The following KIAA1328 variants were observed in gnomAD, a reference collection of about 807,000 sequenced individuals.
KIAA1328 encodes the protein protein hinderin.
KIAA1328 carries 52 observed loss-of-function variants against 68.1 expected under a neutral mutation model. The observed-to-expected ratio is 0.76, with a 90% CI of 0.61 to 0.96. The LOEUF is 0.96. Among genes scored for constraint, KIAA1328 ranks in the 40% least tolerant of loss-of-function variants. The probability of loss-of-function intolerance (pLI) is 0.00; values close to 1 mark genes in which losing one functional copy is unlikely to be tolerated. For synonymous variants in KIAA1328, 232 were observed against 239.4 expected (o/e 0.97, Z 0.28); for missense variants, 641 against 677.6 (o/e 0.95, Z 0.60).
chr18:36,978,916 A>C (rs1163991562), intron 6 of KIAA1328, among the ~76,000 whole-genome samples: 2 of 152,172 alleles, frequency 1.3e-5, no homozygotes, highest in Non-Finnish European at 2.9e-5. Context: ...TAATCTCAGC[A>C]CTTTGGAAGG....
chr18:36,939,965 T>C (rs1429371169), intron 5 of KIAA1328, among the ~76,000 whole-genome samples: 2 of 152,140 alleles, frequency 1.3e-5, no homozygotes, highest in Non-Finnish European at 2.9e-5. Context: ...ACATATTTAG[T>C]CAATTTTATC....
intron 7 of KIAA1328, among the ~76,000 whole-genome samples, chr18:37,137,970 G>C (rs550920579): frequency 6.6e-6 from 1 of 151,646 alleles, no homozygotes; most frequent in African/African-American, 2.4e-5. Context: ...TCTCTACCCC[G>C]CCCCTGACCT....
intron 6 of KIAA1328, among the ~76,000 whole-genome samples, chr18:37,031,310 CT>C (rs1264679822): frequency 6.6e-6 from 1 of 151,730 alleles, no homozygotes; most frequent in African/African-American, 2.4e-5. Flanking sequence ...GTTTTTTTTC[CT>C]TTCCGTCTTT....
At chr18:37,016,831 T>C (rs1401522950) in intron 6 of KIAA1328, among the ~76,000 whole-genome samples, 1 of 152,022 alleles carries the variant, frequency 6.6e-6, no homozygotes, top group Non-Finnish European at 1.5e-5. Flanking sequence ...GTTGGTTCTG[T>C]TTGTACTTAC....
At chr18:37,205,921 C>T (rs1446539188) in intron 9 of KIAA1328, among the ~76,000 whole-genome samples, 1 of 152,146 alleles carries the variant, frequency 6.6e-6, no homozygotes, top group Non-Finnish European at 1.5e-5. Context: ...ATATATGTTA[C>T]CAATTTCAGT....
intron 5 of KIAA1328, among the ~76,000 whole-genome samples, chr18:36,952,018 A>G (rs1319028514): frequency 1.3e-5 from 2 of 152,194 alleles, no homozygotes; most frequent in Non-Finnish European, 2.9e-5. Flanking sequence ...AACTTAGGGT[A>G]ACATTTGAGA....
intron 6 of KIAA1328, among the ~76,000 whole-genome samples, chr18:37,031,942 G>C (rs1387654207): frequency 6.6e-6 from 1 of 152,084 alleles, no homozygotes; most frequent in East Asian, 1.9e-4. Flanking sequence ...TGAGGCGGGT[G>C]GATCGCTTGA....
chr18:37,062,831 C>G (rs1323143731), intron 6 of KIAA1328, among the ~76,000 whole-genome samples: 4 of 152,108 alleles, frequency 2.6e-5, no homozygotes, highest in Non-Finnish European at 5.9e-5. Flanking sequence ...TGAGCAACCT[C>G]AAATTGCTTA....
At position 36,964,617 on chromosome 18, in the gene KIAA1328, CT is replaced by C. The variant is rs763776763; in HGVS notation, c.576+5183del. 1.5e-3 allele frequency among the ~76,000 whole-genome samples: 229 copies of C among 152,156 alleles called. 3 individuals carry two copies. The highest frequency in any genetic ancestry group is 3.4e-3 in the Middle Eastern group (1 of 294). ...TTCTTGTTTTCTCCCTATCCTCTTT[CT>C]CTCCTTTTCTTAAAGATAAATACAT... is the stretch of plus-strand genomic sequence containing the variant. On this transcript the variant is annotated intron_variant, in intron 6 of 9. Transcript: ENST00000280020.
intron 5 of KIAA1328, among the ~76,000 whole-genome samples, chr18:36,916,252 T>C (rs1053547196): frequency 1.2e-4 from 18 of 152,146 alleles, no homozygotes; most frequent in Admixed American, 3.9e-4. Context: ...ATTCATTGAA[T>C]CTGTTTATTT....
chr18:36,893,620 T>C (rs17652450), intron 5 of KIAA1328, among the ~76,000 whole-genome samples: 20,632 of 151,942 alleles, frequency 0.14, 1,728 homozygotes, highest in Admixed American at 0.18. Context: ...CCACACCCAA[T>C]AGAACTTTTC....
chr18:36,845,138 A>T (rs1028368422), intron 4 of KIAA1328, among the ~76,000 whole-genome samples: 2 of 151,724 alleles, frequency 1.3e-5, no homozygotes, highest in African/African-American at 4.8e-5. Context: ...AGATGACTAT[A>T]AAAAAGTGAT....
In KIAA1328 at chr18:36,971,105, A is replaced by G. The variant is rs571855628; in HGVS notation, c.576+11670A>G. Among the ~76,000 whole-genome samples, 14 of 152,322 alleles carry G rather than the reference A, an allele frequency of 9.2e-5. No individual in the cohort carries two copies. The South Asian group carries it at 2.3e-3, about 25-fold the overall frequency. Reference sequence around the variant, plus strand: ...ATGGTACTGGTACCAAAGCAGATATATAGACCAATGGAACAGAACAGAGGC... The same window carrying G: ...ATGGTACTGGTACCAAAGCAGATATGTAGACCAATGGAACAGAACAGAGGC... On this transcript the variant is annotated intron_variant, in intron 6 of 9. Coordinates refer to ENST00000280020, the MANE Select transcript of KIAA1328 (RefSeq NM_020776.3).
downstream of KIAA1328, among the ~76,000 whole-genome samples, chr18:37,228,350 T>C (rs2060649837): frequency 6.6e-6 from 1 of 152,226 alleles, no homozygotes; most frequent in African/African-American, 2.4e-5. Context: ...GGTAAAATGC[T>C]ATCCAATAGC....
rs75510862 is a variant in KIAA1328, at chr18:36,906,840, A to G, written c.448+21168A>G. Among the ~76,000 whole-genome samples, 21 of 152,244 alleles carry G rather than the reference A, an allele frequency of 1.4e-4. No individual in the cohort carries two copies. The East Asian group carries it at 4.1e-3, about 29-fold the overall frequency. On this transcript the variant is annotated intron_variant, in intron 5 of 9. Coordinates refer to ENST00000280020, the MANE Select transcript of KIAA1328 (RefSeq NM_020776.3). ...AGCATGATAGCAGAAGTGTGTGGTA[A>G]CACTGTGTTTAGCTTTGTAAGATGC...
rs113544760 is a variant in KIAA1328 at position 37,098,963 on chromosome 18, C to T, written c.1232+31418C>T. ...TATTGCATCTATTTGATTCTTCTCT[C>T]TTTTCTTCTTTATTAGTCTTGCTTG... On this transcript the variant is annotated intron_variant, in intron 7 of 9. Transcript: ENST00000280020. Among the ~76,000 whole-genome samples the T allele has an allele frequency of 9.5e-3, 1,443 of 152,140 alleles. 22 individuals are homozygous for T. Among genetic ancestry groups the T allele is most frequent in the African/African-American group, 0.032 (1,349 of 41,518 alleles).
At chr18:37,081,725 A>G (rs909583467) in intron 7 of KIAA1328, among the ~76,000 whole-genome samples, 2 of 152,106 alleles carry the variant, frequency 1.3e-5, no homozygotes, top group Non-Finnish European at 1.5e-5. Context: ...CAAAAGGCAG[A>G]TTTGTTTCCT....
intron 5 of KIAA1328, 160 bp downstream of exon 5, chr18:36,885,832 T>G (rs1483170297): frequency 5.6e-6 from 3 of 539,438 alleles, no homozygotes; most frequent in Non-Finnish European, 9.9e-6. Context: ...TTCTCCTACC[T>G]CAGCCTCCCG....
At chr18:36,904,134 G>C (rs1236778837) in intron 5 of KIAA1328, among the ~76,000 whole-genome samples, 2 of 152,010 alleles carry the variant, frequency 1.3e-5, no homozygotes, top group Admixed American at 1.3e-4. Context: ...GGGATGTGGA[G>C]TCTATTCTAT....
Sources: gnomAD v4.1 joint callset for allele counts (sites outside exome capture counted in the v4.1 genomes callset) on GRCh38, gnomAD v4.1.1 for gene constraint, MANE v1.5 for transcripts, NCBI Gene and HGNC (gene_info 2026-07-23, HGNC 2026-07-21) for gene names.